ERICH3: variants seen among roughly 807,000 people sequenced by gnomAD.
ERICH3 encodes the protein glutamate rich 3, also known as glutamate-rich protein 3.
In ERICH3, 126 loss-of-function variants were observed where a neutral mutation model predicts 131.1. The ratio of observed to expected loss-of-function variants is 0.96; its 90% CI spans 0.83 to 1.11. The LOEUF (loss-of-function observed/expected upper bound fraction) is 1.11, where lower values mean the gene tolerates loss of function less well. Among genes scored for constraint, ERICH3 ranks in the 50% most tolerant of loss-of-function variants. The pLI is 0.00. For synonymous variants in ERICH3, 695 were observed against 644.6 expected (o/e 1.08, Z -1.18); for missense variants, 2,050 against 1,810.7 (o/e 1.13, Z -2.40).
intron 1 of ERICH3, among the ~76,000 whole-genome samples, chr1:74,668,548 C>T (rs1008312749): frequency 1.2e-4 from 18 of 152,128 alleles, no homozygotes; most frequent in Non-Finnish European, 2.6e-4. Context: ...TTTTTTGTGT[C>T]TGATCACTAT....
intron 8 of ERICH3, among the ~76,000 whole-genome samples, chr1:74,615,651 T>C (rs1648923192): frequency 6.6e-6 from 1 of 152,198 alleles, no homozygotes; most frequent in African/African-American, 2.4e-5. Flanking sequence ...TTCTTAAAAT[T>C]TTATCTCTGG....
At chr1:74,593,460 G>A (rs980186846) in intron 11 of ERICH3, among the ~76,000 whole-genome samples, 2 of 152,174 alleles carry the variant, frequency 1.3e-5, no homozygotes, top group East Asian at 3.9e-4. Context: ...GTAAAATGGG[G>A]ATAATTCTAC....
chr1:74,605,885 C>A (rs555912762), intron 10 of ERICH3, among the ~76,000 whole-genome samples: 2 of 151,820 alleles, frequency 1.3e-5, no homozygotes, highest in East Asian at 3.9e-4. Flanking sequence ...TGCAGGGTTG[C>A]CACAAACTTT....
At chr1:74,624,928 G>GT (rs11404613) in intron 7 of ERICH3, 104,508 of 152,022 alleles carry the variant, frequency 0.69, 36,764 homozygotes, top group African/African-American at 0.84. Context: ...ATTGGGTCTT[G>GT]TATGTTGGCC....
intron 1 of ERICH3, 104 bp downstream of exon 1, chr1:74,673,393 C>T: frequency 7.1e-7 from 1 of 1,418,086 alleles, no homozygotes; most frequent in Non-Finnish European, 9.8e-7. Context: ...CCCTCCCCCT[C>T]GCTCCCCTCT....
chr1:74,631,158 T>A (rs1646328646), intron 7 of ERICH3, among the ~76,000 whole-genome samples: 1 of 152,098 alleles, frequency 6.6e-6, no homozygotes, highest in Non-Finnish European at 1.5e-5. Flanking sequence ...ATAATAAAAA[T>A]GAAGAGATAT....
chr1:74,625,900 G>A (rs1288996887), intron 7 of ERICH3: 2 of 152,168 alleles, frequency 1.3e-5, no homozygotes, highest in African/African-American at 4.8e-5. Context: ...ATCCAGGACA[G>A]CAGCCACTTC....
intron 5 of ERICH3, among the ~76,000 whole-genome samples, chr1:74,637,987 A>G (rs994562145): frequency 2.0e-5 from 3 of 152,180 alleles, no homozygotes; most frequent in African/African-American, 7.2e-5. Context: ...TAATGCAATA[A>G]AATAGTAGAA....
intron 8 of ERICH3, among the ~76,000 whole-genome samples, chr1:74,613,179 T>A (rs1277706209): frequency 6.6e-6 from 1 of 152,244 alleles, no homozygotes. Context: ...AGTGATAAAA[T>A]TGCATTTGAT....
intron 6 of ERICH3, among the ~76,000 whole-genome samples, chr1:74,634,182 C>T (rs1646366334): frequency 6.6e-6 from 1 of 152,028 alleles, no homozygotes; most frequent in Non-Finnish European, 1.5e-5. Flanking sequence ...AAATCATTTT[C>T]ATCATCAATG....
At position 74,572,390 on chromosome 1, in the gene ERICH3, G is replaced by A. The variant is rs1553160374; in HGVS notation, c.3320C>T (p.Thr1107Ile). Reference protein sequence around the residue: ...KLKAEEGETETEVRAEEETKA... With the variant: ...KLKAEEGETEIEVRAEEETKA... The stretch of plus-strand genomic sequence containing the variant: ...TGTCTCTTCCTCAGCTCTTACTTCT[G>A]TCTCTGTTTCCCCTTCTTCCGCTTT... The change falls in exon 14 of 15, where the codon ACA becomes ATA. Residue 1107 changes from threonine to isoleucine, a missense_variant. Transcript: ENST00000326665. The A allele has an allele frequency of 3.7e-6, 6 of 1,613,720 alleles. No individual in the cohort carries two copies. Among genetic ancestry groups the A allele is most frequent in the Non-Finnish European group, 5.1e-6 (6 of 1,180,002 alleles).
At chr1:74,622,200 T>C (rs985638150) in intron 7 of ERICH3, 5 of 152,222 alleles carry the variant, frequency 3.3e-5, no homozygotes, top group African/African-American at 1.2e-4. Context: ...GAAAGAAATC[T>C]GATGGAATGA....
chr1:74,596,339 A>C (rs1187090617), intron 11 of ERICH3, among the ~76,000 whole-genome samples: 1 of 151,942 alleles, frequency 6.6e-6, no homozygotes, highest in Non-Finnish European at 1.5e-5. Context: ...CTAATTTTTA[A>C]ATTTGTAATT....
In ERICH3 at chr1:74,599,704, C is replaced by T. The variant is rs760219652; in HGVS notation, c.1717G>A (p.Asp573Asn). 3 of 1,607,546 alleles carry T rather than the reference C, an allele frequency of 1.9e-6. No individual in the cohort carries two copies. Among genetic ancestry groups the T allele is most frequent in the Non-Finnish European group, 2.5e-6 (3 of 1,177,130 alleles). Residue 573 changes from aspartate (D) to asparagine (N), a missense_variant, in exon 11 of 15, where the codon GAT becomes AAT. Coordinates refer to ENST00000326665, the MANE Select transcript of ERICH3 (RefSeq NM_001002912.5). Reference protein sequence around the residue: ...DGCSESELEEDKQDMKTASST... With the variant: ...DGCSESELEENKQDMKTASST... ...AAGCTGAACAACTCGCCTTGTTTAT[C>T]CTCTTCCAGTTCACTCTCAGAGCAT...
intron 7 of ERICH3, among the ~76,000 whole-genome samples, chr1:74,627,323 G>A (rs1182937011): frequency 1.3e-5 from 2 of 152,108 alleles, no homozygotes; most frequent in African/African-American, 4.8e-5. Flanking sequence ...AGGACAAGAG[G>A]TGAAAGGAGA....
At chr1:74,666,778 T>TA (rs5775255) in intron 1 of ERICH3, among the ~76,000 whole-genome samples, 33,928 of 151,512 alleles carry the variant, frequency 0.22, 5,035 homozygotes, top group East Asian at 0.71. Flanking sequence ...ACTACCTGGT[T>TA]AAAAAAAAAT....
chr1:74,586,707 A>G (rs146962549), intron 12 of ERICH3, among the ~76,000 whole-genome samples: 2 of 152,292 alleles, frequency 1.3e-5, no homozygotes, highest in Admixed American at 6.5e-5. Context: ...TCCAACAATA[A>G]GGAAATGGCT....
At position 74,631,931 on chromosome 1, in the gene ERICH3, G is replaced by T; in HGVS notation, c.604-3C>A. ...AACTTCATCACTGCCTTCTTGCCCTGTAATCATATTTCATCGCATAAGAAC... is the reference window on the plus strand; with the variant it reads ...AACTTCATCACTGCCTTCTTGCCCTTTAATCATATTTCATCGCATAAGAAC... On this transcript the variant is annotated splice_region_variant and splice_polypyrimidine_tract_variant and intron_variant, in intron 6 of 14. Transcript: ENST00000326665. 6.2e-7 allele frequency: 1 copy of T among 1,607,556 alleles called. No individual in the cohort carries two copies. The highest frequency in any genetic ancestry group is 8.5e-7 in the Non-Finnish European group (1 of 1,175,296).
intron 1 of ERICH3, among the ~76,000 whole-genome samples, chr1:74,668,244 C>A (rs1224345477): frequency 6.6e-6 from 1 of 152,188 alleles, no homozygotes. Flanking sequence ...CTGAAAAATG[C>A]ACTTCCAGTC....
Sources: gnomAD v4.1 joint callset for allele counts (sites outside exome capture counted in the v4.1 genomes callset) on GRCh38, gnomAD v4.1.1 for gene constraint, MANE v1.5 for transcripts, NCBI Gene and HGNC (gene_info 2026-07-23, HGNC 2026-07-21) for gene names.